CCDC152: variants seen among roughly 807,000 people sequenced by gnomAD.
CCDC152 encodes coiled-coil domain containing 152, also known as coiled-coil domain-containing protein 152.
In CCDC152, 37 loss-of-function variants were observed where a neutral mutation model predicts 38.1. The ratio of observed to expected loss-of-function variants is 0.97; its 90% CI spans 0.75 to 1.28. CCDC152 has a LOEUF of 1.28. CCDC152 is among the 50% of genes most tolerant of loss of function. CCDC152 has a pLI of 0.00. For missense variants in CCDC152, 259 were observed against 292.1 expected (o/e 0.89, Z 0.83); for synonymous variants, 83 against 87.1 (o/e 0.95, Z 0.26).
intron 4 of CCDC152, among the ~76,000 whole-genome samples, chr5:42,775,366 T>C (rs1331757198): frequency 6.6e-6 from 1 of 152,196 alleles, no homozygotes; most frequent in Admixed American, 6.5e-5. Context: ...ATAGGAATTA[T>C]ACCCAGCTTC....
chr5:42,777,357 G>A (rs536004981), intron 4 of CCDC152, among the ~76,000 whole-genome samples: 1 of 152,030 alleles, frequency 6.6e-6, no homozygotes, highest in Non-Finnish European at 1.5e-5. Flanking sequence ...CAGCTACTCG[G>A]GGGCCGAGGC....
At chr5:42,784,480 T>G (rs887684806) in intron 6 of CCDC152, among the ~76,000 whole-genome samples, 1 of 152,190 alleles carries the variant, frequency 6.6e-6, no homozygotes, top group Non-Finnish European at 1.5e-5. Context: ...GTTGATTTGT[T>G]TAACTTCTTT....
At position 42,800,161 on chromosome 5, in the gene CCDC152, A is replaced by G. The variant is rs1760149034; in HGVS notation, c.*380A>G. 1 of 166,656 alleles carries G rather than the reference A, an allele frequency of 6.0e-6. No homozygotes were observed. The highest frequency in any genetic ancestry group is 1.8e-4 in the South Asian group (1 of 5,472). The allele number at this position is 166,656 out of a possible 1,614,324, so 10.3% of individuals were successfully genotyped here. ...TACAAAGGCTTTATTCATGTGTGATAGTAAAAATCAGGATGAGTCTTAGAT... is the reference window on the plus strand; with the variant it reads ...TACAAAGGCTTTATTCATGTGTGATGGTAAAAATCAGGATGAGTCTTAGAT... On this transcript the variant is annotated 3_prime_UTR_variant, in exon 9 of 9. Transcript: ENST00000361970.
chr5:42,778,446 A>G (rs554083083), intron 4 of CCDC152, among the ~76,000 whole-genome samples: 13 of 152,340 alleles, frequency 8.5e-5, no homozygotes, highest in African/African-American at 2.9e-4. Flanking sequence ...GATAAGGATC[A>G]TGAAAACTTT....
At chr5:42,796,152 T>C (rs1166046269) in intron 6 of CCDC152, among the ~76,000 whole-genome samples, 1 of 151,662 alleles carries the variant, frequency 6.6e-6, no homozygotes, top group African/African-American at 2.4e-5. Context: ...AATGACGAGT[T>C]AATGGGTGCA....
In CCDC152 at chr5:42,793,567, ACT is replaced by A. The variant is rs567958728; in HGVS notation, c.431-3259_431-3258del. Among the ~76,000 whole-genome samples the A allele has an allele frequency of 2.0e-5, 3 of 152,282 alleles. No homozygotes were observed. The South Asian group carries it at 6.2e-4, about 32-fold the overall frequency. ...ATTATCAGATATATAATTTACAATGACTCTGATTAATATAATCAAAGAAATAA... is the reference window on the plus strand; with the variant it reads ...ATTATCAGATATATAATTTACAATGACTGATTAATATAATCAAAGAAATAA... On this transcript the variant is annotated intron_variant, in intron 6 of 8. Coordinates refer to ENST00000361970, the MANE Select transcript of CCDC152 (RefSeq NM_001134848.2).
chr5:42,761,052 TG>T (rs1185520613), intron 2 of CCDC152, among the ~76,000 whole-genome samples: 4 of 152,182 alleles, frequency 2.6e-5, no homozygotes, highest in African/African-American at 9.7e-5. Flanking sequence ...GTCAGAGAGT[TG>T]CTTTGAGATC....
At chr5:42,797,884 A>C (rs1760096072) in intron 7 of CCDC152, among the ~76,000 whole-genome samples, 1 of 152,096 alleles carries the variant, frequency 6.6e-6, no homozygotes, top group African/African-American at 2.4e-5. Context: ...GTGGTGGCTC[A>C]CACCTATAAT....
chr5:42,763,134 T>C (rs1214450003), intron 3 of CCDC152, among the ~76,000 whole-genome samples: 6 of 152,074 alleles, frequency 3.9e-5, no homozygotes, highest in Non-Finnish European at 7.4e-5. Flanking sequence ...CTCAAGCATC[T>C]TGTAAGGGCA....
chr5:42,759,061 T>C (rs1759515872), intron 1 of CCDC152, 59 bp from the exon 2 acceptor site: 18 of 1,201,272 alleles, frequency 1.5e-5, no homozygotes, highest in Non-Finnish European at 2.1e-5. Context: ...ATGAACACTA[T>C]TGTGGTGCTT....
chr5:42,794,534 C>T (rs1760048399), intron 6 of CCDC152, among the ~76,000 whole-genome samples: 1 of 152,168 alleles, frequency 6.6e-6, no homozygotes, highest in Admixed American at 6.5e-5. Context: ...ATAATAGCTG[C>T]TGATTTGGTG....
intron 3 of CCDC152, among the ~76,000 whole-genome samples, chr5:42,767,686 G>T (rs1759643689): frequency 6.6e-6 from 1 of 152,190 alleles, no homozygotes; most frequent in Non-Finnish European, 1.5e-5. Flanking sequence ...GAAAAATGTG[G>T]TGAGAGAGCC....
rs752538090 is a variant in CCDC152 at position 42,800,943 on chromosome 5, A to T, written c.*1162A>T. The T allele has an allele frequency of 6.2e-7, 1 of 1,614,224 alleles. No individual in the cohort carries two copies. Among genetic ancestry groups the T allele is most frequent in the Non-Finnish European group, 8.5e-7 (1 of 1,180,038 alleles). ...GATTGCAGACCCTGTTTTTTCAAAT[A>T]TCAGATGTCGACAATGGCAGCATCA... On this transcript the variant is annotated 3_prime_UTR_variant, in exon 9 of 9. Transcript: ENST00000361970.
intron 6 of CCDC152, among the ~76,000 whole-genome samples, chr5:42,785,676 G>A (rs77071544): frequency 6.6e-6 from 1 of 152,066 alleles, no homozygotes; most frequent in East Asian, 1.9e-4. Context: ...GAATAGGGGT[G>A]GTGACAATGG....
intron 7 of CCDC152, among the ~76,000 whole-genome samples, chr5:42,798,027 C>T (rs897298799): frequency 6.6e-6 from 1 of 152,082 alleles, no homozygotes; most frequent in African/African-American, 2.4e-5. Flanking sequence ...TGGCAGATGC[C>T]TGTTATCCAG....
rs2111625955 is a variant in CCDC152, at chr5:42,802,373, G to A, written c.*2592G>A. ...CTTAGAACCCAAAGACTCACTAAGT[G>A]ATATGCTTTTGATGTTTTGAAGGTT... On this transcript the variant is annotated 3_prime_UTR_variant, in exon 9 of 9. Coordinates refer to ENST00000361970, the MANE Select transcript of CCDC152 (RefSeq NM_001134848.2). 6.6e-6 allele frequency: 1 copy of A among 152,240 alleles called. No individual in the cohort carries two copies. The highest frequency in any genetic ancestry group is 2.1e-4 in the South Asian group (1 of 4,822). 9.4% of individuals were successfully genotyped at this position (152,240 alleles called of 1,614,324 possible). A position where few individuals can be genotyped will look rare whatever the true frequency, so the allele number is the denominator to read the frequency against.
Position 42,800,111 on chromosome 5 carries a change from T to C in CCDC152, c.*330T>C, listed in dbSNP as rs574939995. ...CAGCCACTCAAGTTTTAGAAGAGTA[T>C]GATACAACATTAGAGAAAGAAAGAT... On this transcript the variant is annotated 3_prime_UTR_variant, in exon 9 of 9. Coordinates refer to ENST00000361970, the MANE Select transcript of CCDC152 (RefSeq NM_001134848.2). 10 of 207,054 alleles carry C rather than the reference T, an allele frequency of 4.8e-5. No individual in the cohort carries two copies. The South Asian group carries it at 1.2e-3, about 24-fold the overall frequency. The allele number at this position is 207,054 out of a possible 1,614,324, so 12.8% of individuals were successfully genotyped here. A position where few individuals can be genotyped will look rare whatever the true frequency, so the allele number is the denominator to read the frequency against.
intron 2 of CCDC152, among the ~76,000 whole-genome samples, chr5:42,761,248 T>A (rs905119711): frequency 2.6e-5 from 4 of 152,202 alleles, no homozygotes; most frequent in Non-Finnish European, 5.9e-5. Flanking sequence ...CCTCTGTCTG[T>A]CTCTCTCTCA....
intron 6 of CCDC152, among the ~76,000 whole-genome samples, chr5:42,786,207 A>C (rs1593071): frequency 0.45 from 67,871 of 151,836 alleles, 15,343 homozygotes; most frequent in East Asian, 0.58. Context: ...TTCTTTGTAC[A>C]TCTGGTAGAA....
Sources: gnomAD v4.1 joint callset for allele counts (sites outside exome capture counted in the v4.1 genomes callset) on GRCh38, gnomAD v4.1.1 for gene constraint, MANE v1.5 for transcripts, NCBI Gene and HGNC (gene_info 2026-07-23, HGNC 2026-07-21) for gene names.